The following EDA variants were observed in gnomAD, a reference collection of about 807,000 sequenced individuals.
The protein encoded by EDA is ectodysplasin A.
A neutral mutation model predicts 23.6 loss-of-function variants in EDA; 2 were observed. That is an observed-to-expected ratio of 0.08 (90% CI 0.03 to 0.27). The LOEUF is 0.27. Among genes scored for constraint, EDA ranks in the 10% least tolerant of loss-of-function variants. The pLI is 1.00. For synonymous variants in EDA, 131 were observed against 132.0 expected, an observed-to-expected ratio of 0.99 and a Z score of 0.05; for missense variants, 229 against 324.2, an observed-to-expected ratio of 0.71 and a Z score of 2.26.
intron 1 of EDA, among the ~76,000 whole-genome samples, chrX:69,743,881 C>T (rs2013536414): frequency 9.0e-6 from 1 of 111,726 alleles, no homozygotes; most frequent in Non-Finnish European, 1.9e-5. Context: ...TGAACTTAAA[C>T]TTCATGCTAT....
chrX:69,880,696 A>AC (rs2017731802), intron 1 of EDA, among the ~76,000 whole-genome samples: 1 of 112,346 alleles, frequency 8.9e-6, no homozygotes, highest in Non-Finnish European at 1.9e-5. Flanking sequence ...AGAAATAGCT[A>AC]TATTAGCATG....
rs1217340038 is a variant in EDA at position 69,616,654 on chromosome X, T to C, written c.346T>C (p.Leu116=). Residue 116 remains leucine, a synonymous_variant, in exon 1 of 8, where the codon TTG becomes CTG. Coordinates refer to ENST00000374552, the MANE Select transcript of EDA (RefSeq NM_001399.5). ...LGQPSPKQQP[L]EPGEAALHSD... ...GCAGCCGTCACCTAAGCAGCAGCCATTGGAACCGGGAGAAGCCGCACTCCA... is the reference window on the plus strand; with the variant it reads ...GCAGCCGTCACCTAAGCAGCAGCCACTGGAACCGGGAGAAGCCGCACTCCA... The C allele has an allele frequency of 8.3e-7, 1 of 1,209,223 alleles. No individual in the cohort carries two copies. Among genetic ancestry groups the C allele is most frequent in the East Asian group, 3.0e-5 (1 of 33,657 alleles).
intron 6 of EDA, among the ~76,000 whole-genome samples, chrX:70,032,958 C>A (rs1351941168): frequency 1.8e-5 from 2 of 112,713 alleles, no homozygotes; most frequent in African/African-American, 6.4e-5. Flanking sequence ...AACCCATGAA[C>A]CTATGAGATG....
chrX:69,790,162 A>G (rs1360284518), intron 1 of EDA, among the ~76,000 whole-genome samples: 1 of 111,419 alleles, frequency 9.0e-6, no homozygotes, highest in East Asian at 2.8e-4. Flanking sequence ...TAGTAATTCA[A>G]TAGGGCCAAT....
intron 7 of EDA, 53 bp from the exon 8 acceptor site, chrX:70,035,305 C>T (rs2020250132): frequency 8.5e-7 from 1 of 1,182,473 alleles, no homozygotes; most frequent in Admixed American, 2.3e-5. Context: ...GGGAGGGCCC[C>T]CCACCCTCTC....
chrX:69,888,443 T>A (rs2017861888), intron 1 of EDA, among the ~76,000 whole-genome samples: 1 of 108,477 alleles, frequency 9.2e-6, no homozygotes, highest in African/African-American at 3.4e-5. Context: ...AGTCCTTACC[T>A]ATCAATAATT....
chrX:69,750,968 G>T (rs2013826639), intron 1 of EDA, among the ~76,000 whole-genome samples: 1 of 110,309 alleles, frequency 9.1e-6, no homozygotes, highest in South Asian at 3.9e-4. Context: ...CTCCCATTCT[G>T]TAGGTTCCCT....
At chrX:69,849,079 A>G (rs1569354245) in intron 1 of EDA, among the ~76,000 whole-genome samples, 2 of 31,402 alleles carry the variant, frequency 6.4e-5, no homozygotes, top group Non-Finnish European at 1.7e-4. Flanking sequence ...CACAAAGTCT[A>G]TATACACACA....
At chrX:69,978,574 TCACC>T (rs781066329) in intron 2 of EDA, among the ~76,000 whole-genome samples, 1 of 109,518 alleles carries the variant, frequency 9.1e-6, no homozygotes, top group East Asian at 2.9e-4. Context: ...ATCATACACT[TCACC>T]CATTTATACA....
At chrX:69,890,529 C>T (rs1387971983) in intron 1 of EDA, among the ~76,000 whole-genome samples, 1 of 110,991 alleles carries the variant, frequency 9.0e-6, no homozygotes, top group Non-Finnish European at 1.9e-5. Flanking sequence ...ACCAAAAGAG[C>T]ATGGTACTGA....
chrX:69,723,401 T>G (rs755448799), intron 1 of EDA, among the ~76,000 whole-genome samples: 1 of 112,482 alleles, frequency 8.9e-6, no homozygotes, highest in South Asian at 3.7e-4. Flanking sequence ...TTCACAGTTA[T>G]AGAACATCAG....
chrX:69,987,309 TTTAAAAATAAATAAATAAA>T, intron 2 of EDA, among the ~76,000 whole-genome samples: 1 of 90,718 alleles, frequency 1.1e-5, no homozygotes, highest in Non-Finnish European at 2.0e-5. Context: ...AATTTTTTTT[TTTAAAAATAAATAAATAAA>T]AAAAAAATAA....
intron 1 of EDA, among the ~76,000 whole-genome samples, chrX:69,623,596 G>A (rs1310108832): frequency 9.1e-6 from 1 of 109,897 alleles, no homozygotes. Flanking sequence ...CTTTATGTCT[G>A]TTACATACTT....
chrX:69,917,541 G>T (rs112917023), intron 1 of EDA, among the ~76,000 whole-genome samples: 1 of 111,215 alleles, frequency 9.0e-6, no homozygotes, highest in Non-Finnish European at 1.9e-5. Flanking sequence ...ACAGGTAAAG[G>T]AATATCATGG....
chrX:69,983,677 G>A (rs1411899478), intron 2 of EDA, among the ~76,000 whole-genome samples: 6 of 63,202 alleles, frequency 9.5e-5, no homozygotes, highest in Admixed American at 2.1e-4. Context: ...GTTTCTCTCT[G>A]GCTGCCCTTA....
At chrX:69,826,221 G>T (rs773443351) in intron 1 of EDA, among the ~76,000 whole-genome samples, 15 of 111,522 alleles carry the variant, frequency 1.3e-4, no homozygotes, top group African/African-American at 4.6e-4. Context: ...AGGTCTGCTT[G>T]TTGCAGAGCT....
At chrX:69,979,060 A>G (rs1165378966) in intron 2 of EDA, among the ~76,000 whole-genome samples, 1 of 111,370 alleles carries the variant, frequency 9.0e-6, no homozygotes, top group Non-Finnish European at 1.9e-5. Context: ...ATAACTCCCC[A>G]TGACCCTGCT....
chrX:69,798,812 A>C (rs953348509), intron 1 of EDA, among the ~76,000 whole-genome samples: 6 of 111,410 alleles, frequency 5.4e-5, no homozygotes, highest in African/African-American at 2.0e-4. Context: ...AGACTAAAAA[A>C]ATACAAAGGA....
At position 69,973,120 on chromosome X, in the gene EDA, C is replaced by A. The variant is rs1156491059; in HGVS notation, c.502+15988C>A. ...CCTTACTTATTTTAGAGTTTTCAAT[C>A]TTTTCCTCCACCCCCAGATAATGTT... is the stretch of plus-strand genomic sequence containing the variant. On this transcript the variant is annotated intron_variant, in intron 2 of 7. Transcript: ENST00000374552. Among the ~76,000 whole-genome samples, 3 of 111,545 alleles carry A rather than the reference C, an allele frequency of 2.7e-5. No homozygotes were observed. The East Asian group carries it at 8.4e-4, about 31-fold the overall frequency.
Sources: allele counts gnomAD v4.1 joint callset (sites outside exome capture counted in the v4.1 genomes callset), GRCh38; gene constraint gnomAD v4.1.1; transcripts MANE v1.5; gene names NCBI Gene and HGNC (gene_info 2026-07-23, HGNC 2026-07-21).